The following DHRS7B variants were observed in gnomAD, a reference collection of about 807,000 sequenced individuals.
The protein encoded by DHRS7B is dehydrogenase/reductase 7B, also known as peroxisomal reductase activating PPAR-gamma.
A neutral mutation model predicts 26.4 loss-of-function variants in DHRS7B; 24 were observed. That is an observed-to-expected ratio of 0.91 (90% CI 0.66 to 1.28). The LOEUF is 1.28. Ranked by LOEUF, DHRS7B falls within the 50% of genes most tolerant of loss-of-function variation. DHRS7B has a pLI of 0.00. For synonymous variants in DHRS7B, 142 were observed against 166.4 expected, an observed-to-expected ratio of 0.85 and a Z score of 1.13; for missense variants, 368 against 419.4, an observed-to-expected ratio of 0.88 and a Z score of 1.07.
intron 5 of DHRS7B, among the ~76,000 whole-genome samples, chr17:21,185,332 G>A (rs963777168): frequency 3.3e-5 from 5 of 152,234 alleles, no homozygotes; most frequent in African/African-American, 1.2e-4. Flanking sequence ...TGCAAGGGCA[G>A]CCCCAAACAT....
At chr17:21,133,985 G>A (rs942556209) in intron 1 of DHRS7B, among the ~76,000 whole-genome samples, 3 of 151,312 alleles carry the variant, frequency 2.0e-5, no homozygotes, top group African/African-American at 7.3e-5. Context: ...CTTTAAGAAA[G>A]CACAGCTTAG....
intron 1 of DHRS7B, among the ~76,000 whole-genome samples, chr17:21,160,447 A>G (rs956140141): frequency 6.6e-6 from 1 of 152,232 alleles, no homozygotes; most frequent in African/African-American, 2.4e-5. Context: ...AAGAAAATAT[A>G]CAAGTGGCAA....
intron 5 of DHRS7B, among the ~76,000 whole-genome samples, chr17:21,188,052 G>A (rs1002236745): frequency 4.6e-5 from 7 of 151,896 alleles, no homozygotes; most frequent in African/African-American, 7.3e-5. Context: ...GGGTTTCATC[G>A]TGTTAGCTAG....
chr17:21,166,532 T>A, intron 1 of DHRS7B: 1 of 846,758 alleles, frequency 1.2e-6, no homozygotes, highest in Non-Finnish European at 1.4e-6. Context: ...TTCTCAGACA[T>A]TTGAGACCAA....
chr17:21,148,831 A>G (rs555006418), intron 1 of DHRS7B, among the ~76,000 whole-genome samples: 34 of 152,312 alleles, frequency 2.2e-4, no homozygotes, highest in Non-Finnish European at 4.3e-4. Flanking sequence ...GTAGAAAACT[A>G]CCTGAAAAGG....
At chr17:21,139,867 G>C (rs1973450789) in intron 1 of DHRS7B, among the ~76,000 whole-genome samples, 1 of 150,900 alleles carries the variant, frequency 6.6e-6, no homozygotes, top group South Asian at 2.1e-4. Context: ...TGATTTAAGT[G>C]CTTTTTTAAA....
chr17:21,186,267 G>A (rs1337792813), intron 5 of DHRS7B, among the ~76,000 whole-genome samples: 1 of 152,212 alleles, frequency 6.6e-6, no homozygotes, highest in Admixed American at 6.5e-5. Context: ...CCTTAGTACT[G>A]GGCCTCACAC....
chr17:21,143,739 T>C (rs1768195074), intron 1 of DHRS7B, among the ~76,000 whole-genome samples: 1 of 152,206 alleles, frequency 6.6e-6, no homozygotes, highest in Admixed American at 6.6e-5. Context: ...GGATCCAATC[T>C]GGCAGCTTGC....
chr17:21,168,574 G>A (rs1362301824), intron 1 of DHRS7B, among the ~76,000 whole-genome samples: 1 of 152,146 alleles, frequency 6.6e-6, no homozygotes, highest in Non-Finnish European at 1.5e-5. Flanking sequence ...TCACCATGTT[G>A]CCCGGGCTGG....
intron 1 of DHRS7B, among the ~76,000 whole-genome samples, chr17:21,142,284 G>T (rs1437817925): frequency 1.3e-5 from 2 of 152,006 alleles, no homozygotes; most frequent in Non-Finnish European, 2.9e-5. Context: ...AGGTTTCACA[G>T]TGTCTTTCCA....
chr17:21,191,237 CT>C lies in DHRS7B; in HGVS notation c.*87del. On this transcript the variant is annotated 3_prime_UTR_variant, in exon 7 of 7. Coordinates refer to ENST00000395511, the MANE Select transcript of DHRS7B (RefSeq NM_015510.5). The stretch of plus-strand genomic sequence containing the variant: ...CAAGGGACAGTTGCATTTGTTGAGA[CT>C]TTAATGGAGATTTGTCTCACAAGTG... The C allele has an allele frequency of 7.3e-7, 1 of 1,377,642 alleles. No individual in the cohort carries two copies. The highest frequency in any genetic ancestry group is 1.4e-5 in the African/African-American group (1 of 69,580). The allele number at this position is 1,377,642 out of a possible 1,614,324, so 85.3% of individuals were successfully genotyped here. A position where few individuals can be genotyped will look rare whatever the true frequency, so the allele number is the denominator to read the frequency against.
chr17:21,173,808 A>T (rs996518820), intron 2 of DHRS7B, among the ~76,000 whole-genome samples: 2 of 152,166 alleles, frequency 1.3e-5, no homozygotes, highest in African/African-American at 4.8e-5. Context: ...TTGAGCTCAA[A>T]GAGAAGCATT....
intron 1 of DHRS7B, among the ~76,000 whole-genome samples, chr17:21,159,250 CTT>C (rs749833688): frequency 3.5e-5 from 5 of 143,820 alleles, no homozygotes; most frequent in Admixed American, 6.9e-5. Context: ...TTCTTTCTTT[CTT>C]TTTTTTTTTT....
At chr17:21,178,455 C>A in intron 3 of DHRS7B, 113 bp downstream of exon 3, 1 of 847,422 alleles carries the variant, frequency 1.2e-6, no homozygotes, top group Non-Finnish European at 1.9e-6. Context: ...CCATGCGTCA[C>A]ACTGTCCCAG....
At chr17:21,179,824 C>T (rs1221257855) in intron 3 of DHRS7B, among the ~76,000 whole-genome samples, 4 of 148,626 alleles carry the variant, frequency 2.7e-5, no homozygotes, top group African/African-American at 1.0e-4. Flanking sequence ...TGGAGTGCAA[C>T]GGTGCGATCT....
chr17:21,190,993 C>T lies in DHRS7B; in HGVS notation c.818C>T (p.Ala273Val). 4 of 1,614,250 alleles carry T rather than the reference C, an allele frequency of 2.5e-6. No homozygotes were observed. Among genetic ancestry groups the T allele is most frequent in the Non-Finnish European group, 3.4e-6 (4 of 1,180,044 alleles). ...CAGGGCCGAAGCCCTGTGGAGGTGG[C>T]CCAGGATGTTCTTGCTGCTGTGGGG... ...TAQGRSPVEV[A>V]QDVLAAVGKK... The change falls in exon 7 of 7, where the codon GCC becomes GTC. Residue 273 changes from alanine to valine, a missense_variant. Physicochemically the swap from Ala to Val is moderately conservative, Grantham distance 64. Transcript: ENST00000395511.
chr17:21,138,086 A>G (rs1295092611), intron 1 of DHRS7B, among the ~76,000 whole-genome samples: 1 of 70,180 alleles, frequency 1.4e-5, no homozygotes, highest in East Asian at 3.0e-4. Context: ...ATATATATAT[A>G]TATATATATA....
At chr17:21,186,911 A>G (rs1191069109) in intron 5 of DHRS7B, among the ~76,000 whole-genome samples, 1 of 151,934 alleles carries the variant, frequency 6.6e-6, no homozygotes, top group African/African-American at 2.4e-5. Flanking sequence ...GATTTTTTAC[A>G]CCCATGAAGG....
At chr17:21,135,359 C>G (rs1011353525) in intron 1 of DHRS7B, among the ~76,000 whole-genome samples, 1 of 152,062 alleles carries the variant, frequency 6.6e-6, no homozygotes, top group Non-Finnish European at 1.5e-5. Context: ...TTTAGGGAAC[C>G]TCTAATGTCT....
Sources: allele counts gnomAD v4.1 joint callset (sites outside exome capture counted in the v4.1 genomes callset), GRCh38; gene constraint gnomAD v4.1.1; transcripts MANE v1.5; gene names NCBI Gene and HGNC (gene_info 2026-07-23, HGNC 2026-07-21).